MKLN1: variants seen among roughly 807,000 people sequenced by gnomAD.
MKLN1 encodes muskelin.
Under a neutral mutation model 99.0 loss-of-function variants are expected in MKLN1, and 18 were observed. That is an observed-to-expected ratio of 0.18 (90% CI 0.13 to 0.27). The LOEUF (loss-of-function observed/expected upper bound fraction) is 0.27. Among genes scored for constraint, MKLN1 ranks in the 10% least tolerant of loss-of-function variants. The probability of loss-of-function intolerance (pLI) is 1.00; values close to 1 mark genes in which losing one functional copy is unlikely to be tolerated. For missense variants in MKLN1, 621 were observed against 875.9 expected (o/e 0.71, Z 3.67); for synonymous variants, 288 against 293.2 (o/e 0.98, Z 0.18).
At chr7:131,403,589 T>C (rs562277549) in intron 6 of MKLN1, among the ~76,000 whole-genome samples, 2 of 152,328 alleles carry the variant, frequency 1.3e-5, no homozygotes, top group East Asian at 1.9e-4. Context: ...TAATTATTTC[T>C]AGTTTTTTTA....
At chr7:131,357,627 A>G (rs1278502080) in intron 1 of MKLN1, among the ~76,000 whole-genome samples, 1 of 152,092 alleles carries the variant, frequency 6.6e-6, no homozygotes, top group Non-Finnish European at 1.5e-5. Context: ...GTACTACTTT[A>G]TTTATTTTGT....
chr7:131,121,553 G>A (rs1795370134), intron 1 of MKLN1, among the ~76,000 whole-genome samples: 1 of 145,018 alleles, frequency 6.9e-6, no homozygotes, highest in Non-Finnish European at 1.5e-5. Flanking sequence ...CAGGGGAATA[G>A]CATGAACCCC....
chr7:131,293,220 G>A (rs1798247092), intron 3 of MKLN1, among the ~76,000 whole-genome samples: 1 of 152,132 alleles, frequency 6.6e-6, no homozygotes, highest in Admixed American at 6.6e-5. Context: ...CATCCCAGCT[G>A]AGATCATCCC....
chr7:131,110,122 T>C, upstream of MKLN1: 1 of 244,708 alleles, frequency 4.1e-6, no homozygotes, highest in Non-Finnish European at 8.0e-6. Context: ...AGCGAAGGGC[T>C]AGAGGCAAAC....
rs1052783887 is a variant in MKLN1 at position 131,233,267 on chromosome 7, G to A, written c.-179+30293G>A. Among the ~76,000 whole-genome samples the A allele has an allele frequency of 6.6e-5, 10 of 151,848 alleles. No homozygotes were observed. In the East Asian group the frequency reaches 1.4e-3, roughly 21 times the overall value. On this transcript the variant is annotated intron_variant, in intron 3 of 7. Transcript: ENST00000416992. ...TATGTGCCTGTGGTCCTAGCTATTC[G>A]GGAGGCTGAGGTGGGAGATCCCTTG...
At chr7:131,421,857 C>A (rs565372082) in intron 8 of MKLN1, among the ~76,000 whole-genome samples, 52 of 152,208 alleles carry the variant, frequency 3.4e-4, no homozygotes, top group Non-Finnish European at 5.6e-4. Flanking sequence ...TTCTAAAAAA[C>A]CAATGTTATT....
intron 7 of MKLN1, among the ~76,000 whole-genome samples, chr7:131,413,698 C>G (rs1794941612): frequency 6.6e-6 from 1 of 152,078 alleles, no homozygotes; most frequent in East Asian, 1.9e-4. Flanking sequence ...CACCACCATG[C>G]CCGGCTAATT....
chr7:131,306,302 G>T (rs1563285975), intron 3 of MKLN1, among the ~76,000 whole-genome samples: 2 of 152,226 alleles, frequency 1.3e-5, no homozygotes, highest in Non-Finnish European at 2.9e-5. Context: ...CTGCTATAAA[G>T]ATACCTAAAA....
In MKLN1 at chr7:131,118,218, ATTGAAAGCTCCTG is replaced by A. The variant is rs201989678; in HGVS notation, c.-419+8013_-419+8025del. Among the ~76,000 whole-genome samples, 46 of 152,250 alleles carry A rather than the reference ATTGAAAGCTCCTG, an allele frequency of 3.0e-4. 1 individual carries two copies. In the East Asian group the frequency reaches 8.7e-3, roughly 29 times the overall value. ...CTGGCTGCCCTTCCCTTCTGCCATG[ATTGAAAGCTCCTG>A]TAATAGTCAATTCTCACACTGCTAT... is the stretch of plus-strand genomic sequence containing the variant. On this transcript the variant is annotated intron_variant, in intron 1 of 7. Transcript: ENST00000416992.
At chr7:131,193,973 C>G (rs1157520153) in intron 2 of MKLN1, among the ~76,000 whole-genome samples, 1 of 149,770 alleles carries the variant, frequency 6.7e-6, no homozygotes, top group African/African-American at 2.5e-5. Context: ...ATAAAATTAC[C>G]TAGGTTATTT....
chr7:131,353,725 AT>A (rs978903441), intron 1 of MKLN1, among the ~76,000 whole-genome samples: 7 of 150,320 alleles, frequency 4.7e-5, no homozygotes. Context: ...TTATGTTTAT[AT>A]TTTTTTAAAG....
chr7:131,337,551 C>G (rs1799284908), intron 1 of MKLN1, among the ~76,000 whole-genome samples: 1 of 151,904 alleles, frequency 6.6e-6, no homozygotes, highest in Admixed American at 6.6e-5. Flanking sequence ...ATTTCATCCT[C>G]TCTTTTTAAG....
intron 1 of MKLN1, among the ~76,000 whole-genome samples, chr7:131,372,553 A>G (rs1341463543): frequency 1.3e-5 from 2 of 151,980 alleles, no homozygotes; most frequent in Admixed American, 1.3e-4. Flanking sequence ...TTCACTTACT[A>G]TGTATTGAAC....
intron 1 of MKLN1, among the ~76,000 whole-genome samples, chr7:131,355,119 G>A (rs1457632700): frequency 1.3e-5 from 2 of 151,986 alleles, no homozygotes; most frequent in African/African-American, 4.8e-5. Context: ...GTTCCTGATT[G>A]TGTATTCATG....
chr7:131,196,999 G>T lies in MKLN1; in HGVS notation c.-296-5858G>T, dbSNP rs1796656400. On this transcript the variant is annotated intron_variant, in intron 2 of 7. Coordinates refer to the MKLN1 transcript ENST00000416992. ...CTCATTGTGTGCAGCTCCTTTGACT[G>T]CTGGACAGCTCCGAGTCTCCTAGGA... 2.0e-5 allele frequency among the ~76,000 whole-genome samples: 3 copies of T among 152,236 alleles called. No homozygotes were observed. The South Asian group carries it at 6.2e-4, about 32-fold the overall frequency.
chr7:131,385,968 T>C (rs1794002388), intron 2 of MKLN1, among the ~76,000 whole-genome samples: 1 of 152,052 alleles, frequency 6.6e-6, no homozygotes, highest in Non-Finnish European at 1.5e-5. Flanking sequence ...CCGTAGTTTT[T>C]GTCTAAGATG....
chr7:131,157,712 G>A (rs777557311), intron 2 of MKLN1, among the ~76,000 whole-genome samples: 1 of 152,096 alleles, frequency 6.6e-6, no homozygotes, highest in African/African-American at 2.4e-5. Context: ...TACCCGAGAA[G>A]CTGGTGACTC....
intron 3 of MKLN1, among the ~76,000 whole-genome samples, chr7:131,303,044 T>C (rs777200968): frequency 2.0e-5 from 3 of 152,142 alleles, no homozygotes; most frequent in Non-Finnish European, 2.9e-5. Context: ...GGCCAGAGAC[T>C]TCCTGAACCT....
intron 3 of MKLN1, among the ~76,000 whole-genome samples, chr7:131,250,574 A>T (rs1797563037): frequency 6.6e-6 from 1 of 152,214 alleles, no homozygotes; most frequent in Non-Finnish European, 1.5e-5. Flanking sequence ...GGGCTGATCC[A>T]TTCCAGAGCC....
Sources: allele counts gnomAD v4.1 joint callset (sites outside exome capture counted in the v4.1 genomes callset), GRCh38; gene constraint gnomAD v4.1.1; transcripts MANE v1.5; gene names NCBI Gene and HGNC (gene_info 2026-07-23, HGNC 2026-07-21).